The following GSTCD variants were observed in gnomAD, a reference collection of about 807,000 sequenced individuals.
GSTCD encodes the protein glutathione S-transferase C-terminal domain containing.
A neutral mutation model predicts 68.3 loss-of-function variants in GSTCD; 44 were observed. The observed-to-expected ratio is 0.64, with a 90% CI of 0.51 to 0.83. The LOEUF (loss-of-function observed/expected upper bound fraction) is 0.83. Among genes scored for constraint, GSTCD ranks in the 40% least tolerant of loss-of-function variants. The probability of loss-of-function intolerance (pLI) is 0.00; values close to 1 mark genes in which losing one functional copy is unlikely to be tolerated. For synonymous variants in GSTCD, 273 were observed against 255.2 expected (o/e 1.07, Z -0.67); for missense variants, 739 against 735.9 (o/e 1.00, Z -0.05).
At chr4:105,728,114 G>A (rs1390111023) in intron 4 of GSTCD, among the ~76,000 whole-genome samples, 3 of 152,066 alleles carry the variant, frequency 2.0e-5, no homozygotes, top group Non-Finnish European at 2.9e-5. Context: ...ATTTTGATGT[G>A]TCTTGATTAT....
intron 10 of GSTCD, chr4:105,840,121 G>A: frequency 2.3e-6 from 1 of 428,584 alleles, no homozygotes. Context: ...TTTGACCAAA[G>A]AGAACATACA....
intron 5 of GSTCD, among the ~76,000 whole-genome samples, chr4:105,736,111 T>C (rs1733454632): frequency 6.6e-6 from 1 of 152,168 alleles, no homozygotes; most frequent in African/African-American, 2.4e-5. Context: ...TATAATTTTT[T>C]AAACATAGTT....
chr4:105,719,503 C>T lies in GSTCD; in HGVS notation c.870C>T (p.Leu290=). ...ACTTCACTCTGGCAGATATTGTGCT[C>T]TTGCCCTGTATCCATCATTTCTTGG... is the stretch of plus-strand genomic sequence containing the variant. ...GLYFTLADIV[L]LPCIHHFLVI... is the part of the protein sequence containing the mutation. The change falls in exon 3 of 12, where the codon CTC becomes CTT. Residue 290 remains leucine, a synonymous_variant. Coordinates refer to ENST00000515279, the MANE Select transcript of GSTCD (RefSeq NM_001370181.1). 3 of 1,613,732 alleles carry T rather than the reference C, an allele frequency of 1.9e-6. No homozygotes were observed. Among genetic ancestry groups the T allele is most frequent in the Non-Finnish European group, 2.5e-6 (3 of 1,179,678 alleles).
At chr4:105,715,325 G>A (rs991004765) in intron 1 of GSTCD, among the ~76,000 whole-genome samples, 1 of 152,002 alleles carries the variant, frequency 6.6e-6, no homozygotes, top group Non-Finnish European at 1.5e-5. Context: ...TTTGAACTTT[G>A]ATCTTTAATA....
At chr4:105,750,653 C>A (rs550819930) in intron 5 of GSTCD, among the ~76,000 whole-genome samples, 1 of 152,054 alleles carries the variant, frequency 6.6e-6, no homozygotes, top group East Asian at 1.9e-4. Context: ...GGGATTCATT[C>A]CAGAAAAATA....
At chr4:105,734,203 C>T (rs1296055557) in intron 5 of GSTCD, among the ~76,000 whole-genome samples, 3 of 152,150 alleles carry the variant, frequency 2.0e-5, no homozygotes, top group African/African-American at 7.2e-5. Flanking sequence ...TTGTGGCATT[C>T]TCCGTATTTC....
chr4:105,716,167 CA>C (rs1382101106), intron 1 of GSTCD, among the ~76,000 whole-genome samples: 2 of 151,660 alleles, frequency 1.3e-5, no homozygotes, highest in African/African-American at 4.9e-5. Flanking sequence ...TTAGAGGAGA[CA>C]AATAATAACA....
intron 5 of GSTCD, among the ~76,000 whole-genome samples, chr4:105,745,958 G>A (rs1733786948): frequency 6.6e-6 from 1 of 152,160 alleles, no homozygotes; most frequent in African/African-American, 2.4e-5. Flanking sequence ...CTTCTAGGGA[G>A]AGTGATATGG....
intron 7 of GSTCD, 32 bp from the exon 8 acceptor site, chr4:105,825,640 A>G: frequency 8.0e-7 from 1 of 1,242,240 alleles, no homozygotes; most frequent in Non-Finnish European, 1.2e-6. Context: ...TTATGTTACT[A>G]AATATACTAT....
At chr4:105,740,249 G>A (rs139400383) in intron 5 of GSTCD, among the ~76,000 whole-genome samples, 28 of 151,792 alleles carry the variant, frequency 1.8e-4, no homozygotes, top group African/African-American at 6.5e-4. Flanking sequence ...TAAGTACACC[G>A]ATCAACACTT....
chr4:105,722,597 T>C (rs1446825266), intron 3 of GSTCD, among the ~76,000 whole-genome samples: 1 of 152,050 alleles, frequency 6.6e-6, no homozygotes, highest in Non-Finnish European at 1.5e-5. Flanking sequence ...AGTAAGTGAT[T>C]GTAAAGGAAT....
At chr4:105,734,382 A>G (rs1733378541) in intron 5 of GSTCD, among the ~76,000 whole-genome samples, 1 of 152,006 alleles carries the variant, frequency 6.6e-6, no homozygotes, top group African/African-American at 2.4e-5. Flanking sequence ...GGCTTTGTTC[A>G]TTTCTTTTTA....
chr4:105,723,320 A>C (rs1197924804), intron 3 of GSTCD, among the ~76,000 whole-genome samples: 1 of 151,876 alleles, frequency 6.6e-6, no homozygotes, highest in Non-Finnish European at 1.5e-5. Context: ...CTCAGTAAAT[A>C]CAGATGGCCT....
At chr4:105,709,700 G>C (rs771097835) in intron 1 of GSTCD, among the ~76,000 whole-genome samples, 1 of 151,924 alleles carries the variant, frequency 6.6e-6, no homozygotes, top group Non-Finnish European at 1.5e-5. Context: ...CCCATTCCTT[G>C]TCATAAATTC....
intron 5 of GSTCD, among the ~76,000 whole-genome samples, chr4:105,739,458 G>A (rs28444106): frequency 5.2e-4 from 79 of 152,262 alleles, no homozygotes; most frequent in African/African-American, 1.9e-3. Flanking sequence ...TGAATGTTTG[G>A]TATAATTCAG....
chr4:105,728,543 T>G (rs925102140), intron 4 of GSTCD, among the ~76,000 whole-genome samples: 1 of 152,092 alleles, frequency 6.6e-6, no homozygotes, highest in Non-Finnish European at 1.5e-5. Flanking sequence ...GGACACAAAT[T>G]CAGCTAGTTT....
chr4:105,841,989 T>C lies in GSTCD; in HGVS notation c.1696-76T>C, dbSNP rs546592687. On this transcript the variant is annotated intron_variant, in intron 10 of 11. Coordinates refer to ENST00000515279, the MANE Select transcript of GSTCD (RefSeq NM_001370181.1). ...GTTGAACTCCAGAAAAATGAGGTAG[T>C]TTTTTTGGTGGTTGTTTTTATAACT... is the stretch of plus-strand genomic sequence containing the variant. The C allele has an allele frequency of 2.3e-5, 25 of 1,079,764 alleles. No homozygotes were observed. The African/African-American group carries it at 2.3e-4, about 10-fold the overall frequency. The allele number at this position is 1,079,764 out of a possible 1,614,324, so 66.9% of individuals were successfully genotyped here. A position where few individuals can be genotyped will look rare whatever the true frequency, so the allele number is the denominator to read the frequency against.
At chr4:105,723,641 G>T (rs1732940826) in intron 3 of GSTCD, among the ~76,000 whole-genome samples, 1 of 151,678 alleles carries the variant, frequency 6.6e-6, no homozygotes, top group Non-Finnish European at 1.5e-5. Flanking sequence ...ATCCTCCATG[G>T]ATACTGAGGG....
At chr4:105,746,595 C>G (rs995947379) in intron 5 of GSTCD, among the ~76,000 whole-genome samples, 1 of 149,960 alleles carries the variant, frequency 6.7e-6, no homozygotes, top group African/African-American at 2.5e-5. Context: ...GTGTAGATCA[C>G]TGATTGAATT....
Sources: gnomAD v4.1 joint callset for allele counts (sites outside exome capture counted in the v4.1 genomes callset) on GRCh38, gnomAD v4.1.1 for gene constraint, MANE v1.5 for transcripts, NCBI Gene and HGNC (gene_info 2026-07-23, HGNC 2026-07-21) for gene names.